The following TMEM132D variants were observed in gnomAD, a reference collection of about 807,000 sequenced individuals.
TMEM132D encodes the protein mature OL transmembrane protein.
Under a neutral mutation model 62.3 loss-of-function variants are expected in TMEM132D, and 21 were observed. That is an observed-to-expected ratio of 0.34 (90% CI 0.24 to 0.49). The LOEUF is 0.49. Ranked by LOEUF, TMEM132D falls within the 20% of genes least tolerant of loss-of-function variation. The pLI, the probability that TMEM132D is intolerant of heterozygous loss-of-function variation, is 0.99. For synonymous variants in TMEM132D, 621 were observed against 575.6 expected, an observed-to-expected ratio of 1.08 and a Z score of -1.13; for missense variants, 1,346 against 1,402.8, an observed-to-expected ratio of 0.96 and a Z score of 0.65.
chr12:129,538,973 C>T (rs1007771069), intron 2 of TMEM132D, among the ~76,000 whole-genome samples: 2 of 152,332 alleles, frequency 1.3e-5, no homozygotes, highest in South Asian at 4.2e-4. Flanking sequence ...GGAGCGTTGG[C>T]TACTAGTGAC....
chr12:129,272,474 T>A (rs180992876), intron 4 of TMEM132D, among the ~76,000 whole-genome samples: 3 of 152,008 alleles, frequency 2.0e-5, no homozygotes, highest in African/African-American at 7.3e-5. Context: ...ATTCCACAAA[T>A]TTTAACAATG....
chr12:129,577,031 C>G (rs1375488314), intron 2 of TMEM132D, among the ~76,000 whole-genome samples: 1 of 151,890 alleles, frequency 6.6e-6, no homozygotes, highest in Non-Finnish European at 1.5e-5. Context: ...AATGTCATAA[C>G]TTTTCTCTGC....
Position 129,318,345 on chromosome 12 carries a change from G to A in TMEM132D, c.1299+19289C>T, listed in dbSNP as rs192508628. On this transcript the variant is annotated intron_variant, in intron 4 of 8. Transcript: ENST00000422113. ...TTGTCCCATGGGGTAGTCCCTTGAT[G>A]TAATACTCTTCCCCTTTTCCTATGG... Among the ~76,000 whole-genome samples the A allele has an allele frequency of 5.9e-5, 9 of 152,304 alleles. No homozygotes were observed. In the East Asian group the frequency reaches 1.7e-3, roughly 29 times the overall value.
intron 4 of TMEM132D, among the ~76,000 whole-genome samples, chr12:129,316,578 T>G (rs554622409): frequency 6.6e-6 from 1 of 152,346 alleles, no homozygotes; most frequent in East Asian, 1.9e-4. Context: ...TATGTCTATC[T>G]TGGAGAAAGT....
intron 1 of TMEM132D, among the ~76,000 whole-genome samples, chr12:129,790,249 G>A (rs898746820): frequency 3.3e-5 from 5 of 152,206 alleles, no homozygotes; most frequent in Non-Finnish European, 5.9e-5. Flanking sequence ...AGCTCTTTTA[G>A]CTTTGCCGTC....
chr12:129,226,454 C>T (rs1185325429), intron 4 of TMEM132D, among the ~76,000 whole-genome samples: 5 of 152,300 alleles, frequency 3.3e-5, no homozygotes, highest in East Asian at 1.9e-4. Flanking sequence ...CCCTGTCTGC[C>T]GCGGCACCAG....
At chr12:129,274,750 G>A (rs1356259761) in intron 4 of TMEM132D, among the ~76,000 whole-genome samples, 2 of 152,198 alleles carry the variant, frequency 1.3e-5, no homozygotes, top group South Asian at 2.1e-4. Context: ...AGCCAGGCGT[G>A]GTGGCGGGCG....
At chr12:129,169,447 C>T (rs995545339) in intron 5 of TMEM132D, among the ~76,000 whole-genome samples, 8 of 152,186 alleles carry the variant, frequency 5.3e-5, no homozygotes, top group Non-Finnish European at 7.3e-5. Flanking sequence ...CAGCCTGGCT[C>T]CCCCTGCATG....
chr12:129,563,765 T>G (rs1259319812), intron 2 of TMEM132D, among the ~76,000 whole-genome samples: 1 of 151,938 alleles, frequency 6.6e-6, no homozygotes, highest in Non-Finnish European at 1.5e-5. Context: ...CAGACAGACA[T>G]TCAACCCACA....
At chr12:129,156,337 G>A (rs570096105) in intron 5 of TMEM132D, among the ~76,000 whole-genome samples, 125 of 150,776 alleles carry the variant, frequency 8.3e-4, no homozygotes, top group African/African-American at 2.8e-3. Flanking sequence ...ATACTCCCAT[G>A]ATAACCAACT....
chr12:129,364,319 C>T (rs1288024191), intron 3 of TMEM132D, among the ~76,000 whole-genome samples: 2 of 152,200 alleles, frequency 1.3e-5, no homozygotes, highest in Non-Finnish European at 2.9e-5. Flanking sequence ...GCAGATGGTA[C>T]ACTGAACAAC....
chr12:129,875,807 C>T (rs906774687), intron 1 of TMEM132D, among the ~76,000 whole-genome samples: 3 of 152,164 alleles, frequency 2.0e-5, no homozygotes, highest in Admixed American at 6.5e-5. Context: ...TCTTAATTTT[C>T]TTGATTTAAA....
Position 129,242,811 on chromosome 12 carries a change from C to T in TMEM132D, c.1300-33148G>A, listed in dbSNP as rs112281246. On this transcript the variant is annotated intron_variant, in intron 4 of 8. Coordinates refer to ENST00000422113, the MANE Select transcript of TMEM132D (RefSeq NM_133448.3). ...CCTGAGATTTTATTTCTAATGAAGT[C>T]CACTGATAAGTTCTTTAATCGTTTA... is the stretch of plus-strand genomic sequence containing the variant. Among the ~76,000 whole-genome samples the T allele has an allele frequency of 8.7e-3, 1,330 of 152,206 alleles. 10 individuals carry two copies. The highest frequency in any genetic ancestry group is 0.013 in the Non-Finnish European group (905 of 68,014).
chr12:129,747,517 C>G (rs35879613), intron 1 of TMEM132D, among the ~76,000 whole-genome samples: 15,739 of 149,234 alleles, frequency 0.11, 899 homozygotes, highest in Middle Eastern at 0.19. Flanking sequence ...CACACACACA[C>G]TCTCACACAT....
At chr12:129,078,214 C>A (rs1874341097) in intron 8 of TMEM132D, among the ~76,000 whole-genome samples, 1 of 152,230 alleles carries the variant, frequency 6.6e-6, no homozygotes, top group Admixed American at 6.5e-5. Flanking sequence ...CACAGGTGAC[C>A]ACCTGCATGC....
chr12:129,409,881 C>T (rs1037370327), intron 3 of TMEM132D, among the ~76,000 whole-genome samples: 23 of 152,310 alleles, frequency 1.5e-4, no homozygotes, highest in Non-Finnish European at 2.9e-4. Context: ...TGTCTGCACA[C>T]GTGCAGACAT....
At position 129,074,022 on chromosome 12, in the gene TMEM132D, G is replaced by A. The variant is rs754161278; in HGVS notation, c.3153C>T (p.Thr1051=). The change falls in exon 9 of 9, where the codon ACC becomes ACT. Residue 1051 remains threonine, a synonymous_variant. Transcript: ENST00000422113. ...GGTACTCGTCGTCTGAGGAGACGGC[G>A]GTGAAGGTGGTAAATTTTACCCTTT... ...KRKRVKFTTF[T]AVSSDDEYPT... is the part of the protein sequence containing the mutation. The A allele has an allele frequency of 5.6e-5, 91 of 1,613,920 alleles. No homozygotes were observed. The highest frequency in any genetic ancestry group is 3.3e-4 in the Middle Eastern group (2 of 6,082).
intron 2 of TMEM132D, among the ~76,000 whole-genome samples, chr12:129,699,576 G>T (rs1423606414): frequency 3.3e-5 from 5 of 152,200 alleles, no homozygotes; most frequent in African/African-American, 1.2e-4. Context: ...CAGCCCCCCG[G>T]CTGCCCTATC....
intron 5 of TMEM132D, among the ~76,000 whole-genome samples, chr12:129,202,813 C>G (rs896442182): frequency 1.7e-4 from 26 of 152,174 alleles, no homozygotes; most frequent in African/African-American, 6.0e-4. Flanking sequence ...TATTACACCT[C>G]CAGGGAAAAC....
Sources: gnomAD v4.1 joint callset for allele counts (sites outside exome capture counted in the v4.1 genomes callset) on GRCh38, gnomAD v4.1.1 for gene constraint, MANE v1.5 for transcripts, NCBI Gene and HGNC (gene_info 2026-07-23, HGNC 2026-07-21) for gene names.